The following NEGR1 variants were observed in gnomAD, a reference collection of about 807,000 sequenced individuals.
NEGR1 encodes IgLON family member 4.
Under a neutral mutation model 40.9 loss-of-function variants are expected in NEGR1, and 10 were observed. The observed-to-expected ratio is 0.24, with a 90% CI of 0.15 to 0.42. The LOEUF (loss-of-function observed/expected upper bound fraction) is 0.42, where lower values mean the gene tolerates loss of function less well. Ranked by LOEUF, NEGR1 falls within the 10% of genes least tolerant of loss-of-function variation. NEGR1 has a pLI of 1.00. For missense variants in NEGR1, 352 were observed against 438.9 expected (o/e 0.80, Z 1.77); for synonymous variants, 185 against 166.8 (o/e 1.11, Z -0.84).
chr1:71,469,442 CA>C (rs1426560614), intron 6 of NEGR1, among the ~76,000 whole-genome samples: 2 of 151,958 alleles, frequency 1.3e-5, no homozygotes, highest in African/African-American at 2.4e-5. Flanking sequence ...GGTCATTTTT[CA>C]TTAACAGATG....
At chr1:71,867,658 C>A (rs182683966) in intron 2 of NEGR1, among the ~76,000 whole-genome samples, 3 of 152,024 alleles carry the variant, frequency 2.0e-5, no homozygotes, top group African/African-American at 7.2e-5. Context: ...AAATCATATA[C>A]AAAATTTTAA....
intron 4 of NEGR1, among the ~76,000 whole-genome samples, chr1:71,649,639 T>C (rs2101580819): frequency 6.6e-6 from 1 of 152,236 alleles, no homozygotes; most frequent in Middle Eastern, 3.4e-3. Context: ...TGATTCTTTT[T>C]GGATGAATAT....
intron 3 of NEGR1, among the ~76,000 whole-genome samples, chr1:71,748,249 TAGC>T (rs1362902902): frequency 6.6e-6 from 1 of 152,186 alleles, no homozygotes; most frequent in Non-Finnish European, 1.5e-5. Context: ...AGTATATGAT[TAGC>T]TTCCTAAGTA....
chr1:71,806,301 A>G (rs1248316081), intron 2 of NEGR1, among the ~76,000 whole-genome samples: 1 of 152,062 alleles, frequency 6.6e-6, no homozygotes, highest in Non-Finnish European at 1.5e-5. Flanking sequence ...AATTTTTACA[A>G]TCATCTTAAA....
chr1:71,447,905 T>A (rs1056134461), intron 6 of NEGR1, among the ~76,000 whole-genome samples: 1 of 152,340 alleles, frequency 6.6e-6, no homozygotes, highest in South Asian at 2.1e-4. Context: ...ATGGAAATTA[T>A]TTCTCCTACA....
chr1:71,729,647 G>T (rs1654788199), intron 3 of NEGR1, among the ~76,000 whole-genome samples: 2 of 151,790 alleles, frequency 1.3e-5, no homozygotes, highest in Non-Finnish European at 2.9e-5. Context: ...TGTTGTTTTT[G>T]TTGTTTTTAG....
intron 2 of NEGR1, among the ~76,000 whole-genome samples, chr1:71,819,023 G>T (rs1203599067): frequency 6.6e-6 from 1 of 151,956 alleles, no homozygotes; most frequent in Non-Finnish European, 1.5e-5. Flanking sequence ...AAGCCAGTGG[G>T]CCTTTTATAT....
intron 1 of NEGR1, among the ~76,000 whole-genome samples, chr1:72,153,726 C>T (rs1651252162): frequency 1.3e-5 from 2 of 151,714 alleles, no homozygotes; most frequent in African/African-American, 4.8e-5. Flanking sequence ...GACCTAAAAA[C>T]AGAACCTGGA....
chr1:71,646,168 G>A (rs1173204201), intron 4 of NEGR1, among the ~76,000 whole-genome samples: 5 of 151,512 alleles, frequency 3.3e-5, no homozygotes, highest in African/African-American at 1.2e-4. Flanking sequence ...GAATACATAT[G>A]TACATGAATA....
intron 2 of NEGR1, among the ~76,000 whole-genome samples, chr1:71,899,000 A>AG (rs1273916442): frequency 1.2e-4 from 13 of 104,626 alleles, no homozygotes; most frequent in East Asian, 3.9e-4. Flanking sequence ...ATATATATAT[A>AG]TATATATATA....
intron 6 of NEGR1, among the ~76,000 whole-genome samples, chr1:71,523,130 C>T (rs1009298899): frequency 5.9e-5 from 9 of 151,868 alleles, no homozygotes; most frequent in Non-Finnish European, 1.3e-4. Flanking sequence ...CAAACAGGGC[C>T]TCCCTGATAA....
intron 1 of NEGR1, among the ~76,000 whole-genome samples, chr1:71,941,286 C>T (rs1382475729): frequency 6.6e-6 from 1 of 152,052 alleles, no homozygotes; most frequent in Non-Finnish European, 1.5e-5. Flanking sequence ...GCAAGTGAAG[C>T]AGAGATTATA....
At chr1:72,130,706 T>C (rs1224940901) in intron 1 of NEGR1, among the ~76,000 whole-genome samples, 4 of 152,114 alleles carry the variant, frequency 2.6e-5, no homozygotes, top group African/African-American at 9.7e-5. Flanking sequence ...CCTATTAATT[T>C]CCTGCTTATT....
At chr1:72,005,876 C>G (rs1646602578) in intron 1 of NEGR1, among the ~76,000 whole-genome samples, 2 of 152,072 alleles carry the variant, frequency 1.3e-5, no homozygotes, top group South Asian at 4.1e-4. Flanking sequence ...TTTAATTATC[C>G]TCACATATTA....
rs375131531 is a variant in NEGR1, at chr1:72,012,842, C to CATATATATATATATAT, written c.177-77532_177-77531insATATATATATATATAT. ...ACACACACACACACATATATACATA[C>CATATATATATATATAT]ATATATATATATATACACACACACA... is the stretch of plus-strand genomic sequence containing the variant. On this transcript the variant is annotated intron_variant, in intron 1 of 6. Transcript: ENST00000357731. Among the ~76,000 whole-genome samples, 265 of 140,176 alleles carry CATATATATATATATAT rather than the reference C, an allele frequency of 1.9e-3. 1 individual carries two copies. The highest frequency in any genetic ancestry group is 4.9e-3 in the Admixed American group (68 of 13,792). The allele number at this position is 140,176 out of a possible 152,430, so 92.0% of individuals were successfully genotyped here. A position where few individuals can be genotyped will look rare whatever the true frequency, so the allele number is the denominator to read the frequency against.
intron 2 of NEGR1, among the ~76,000 whole-genome samples, chr1:71,822,674 T>A (rs1254639025): frequency 5.3e-5 from 8 of 151,986 alleles, no homozygotes; most frequent in African/African-American, 1.9e-4. Context: ...AGTGGTTTAT[T>A]CTCACTGGAA....
chr1:71,771,964 C>A (rs1254991992), intron 3 of NEGR1, among the ~76,000 whole-genome samples: 1 of 151,980 alleles, frequency 6.6e-6, no homozygotes, highest in African/African-American at 2.4e-5. Flanking sequence ...GTCTTAAAAT[C>A]TCTCCCTACA....
intron 1 of NEGR1, among the ~76,000 whole-genome samples, chr1:71,993,343 T>G (rs1250504739): frequency 6.6e-6 from 1 of 152,158 alleles, no homozygotes; most frequent in Non-Finnish European, 1.5e-5. Flanking sequence ...AGAGGAGACT[T>G]AAGAGCGCCA....
chr1:71,782,758 G>A (rs1377353418), intron 2 of NEGR1, among the ~76,000 whole-genome samples: 1 of 152,098 alleles, frequency 6.6e-6, no homozygotes, highest in East Asian at 1.9e-4. Context: ...AGAATATGGT[G>A]AAAATGTAAT....
Sources: allele counts gnomAD v4.1 joint callset (sites outside exome capture counted in the v4.1 genomes callset), GRCh38; gene constraint gnomAD v4.1.1; transcripts MANE v1.5; gene names NCBI Gene and HGNC (gene_info 2026-07-23, HGNC 2026-07-21).